TLE6: variants seen among roughly 807,000 people sequenced by gnomAD.
TLE6 encodes transducin-like enhancer protein 6.
TLE6 carries 72 observed loss-of-function variants against 77.1 expected under a neutral mutation model. The observed-to-expected ratio is 0.93, with a 90% CI of 0.77 to 1.14. The LOEUF is 1.14. Ranked by LOEUF, TLE6 falls within the 50% of genes most tolerant of loss-of-function variation. TLE6 has a pLI of 0.00. For missense variants in TLE6, 843 were observed against 747.6 expected, an observed-to-expected ratio of 1.13 and a Z score of -1.49; for synonymous variants, 366 against 287.3, an observed-to-expected ratio of 1.27 and a Z score of -2.77.
chr19:2,994,357 T>C (rs961660894), intron 16 of TLE6, among the ~76,000 whole-genome samples: 3 of 152,150 alleles, frequency 2.0e-5, no homozygotes, highest in African/African-American at 7.2e-5. Context: ...ACGCCTGTAA[T>C]CCCAGCACTT....
At position 2,980,092 on chromosome 19, in the gene TLE6, CT is replaced by C. The variant is rs1388100036; in HGVS notation, c.52-5del. ...AAGTTTTATGTAACCTTGCTTTGAC[CT>C]TTCCAGCCTTGTCCTGGGATCTCGA... On this transcript the variant is annotated splice_region_variant and splice_polypyrimidine_tract_variant and intron_variant, in intron 2 of 16. Transcript: ENST00000246112. 6.5e-7 allele frequency: 1 copy of C among 1,549,030 alleles called. No individual in the cohort carries two copies. The highest frequency in any genetic ancestry group is 8.7e-7 in the Non-Finnish European group (1 of 1,145,328).
In TLE6 at chr19:2,993,453, C is replaced by G; in HGVS notation, c.1408C>G (p.Pro470Ala). 6.2e-7 allele frequency: 1 copy of G among 1,603,122 alleles called. No individual in the cohort carries two copies. The highest frequency in any genetic ancestry group is 8.5e-7 in the Non-Finnish European group (1 of 1,171,744). Residue 470 changes from proline to alanine, a missense_variant, in exon 15 of 17, where the codon CCC becomes GCC. By Grantham distance (27) the Pro-to-Ala change is conservative (BLOSUM62 -1). Coordinates refer to ENST00000246112, the MANE Select transcript of TLE6 (RefSeq NM_001143986.2). ...KSQIMSLSHS[P>A]QEDWVLLGMA... is the part of the protein sequence containing the mutation. ...CTAGATAATGAGCCTGTCCCACAGC[C>G]CCCAGGAGGACTGGGTGCTGCTGGG...
chr19:2,994,587 G>A (rs1482024108), intron 16 of TLE6, among the ~76,000 whole-genome samples: 1 of 151,380 alleles, frequency 6.6e-6, no homozygotes, highest in African/African-American at 2.4e-5. Context: ...TCCAGCCTGG[G>A]TGACAGAGAC....
chr19:2,989,721 G>T lies in TLE6; in HGVS notation c.1180G>T (p.Ala394Ser). The change falls in exon 13 of 17, where the codon GCC (alanine) becomes TCC (serine). Residue 394 changes from alanine to serine, a missense_variant. By Grantham distance (99) the Ala-to-Ser change is moderately conservative. Coordinates refer to ENST00000246112, the MANE Select transcript of TLE6 (RefSeq NM_001143986.2). ...GGATGCCAACCTGGATGCCAACCTG[G>T]CCTTCGCCAGCTTCACCAGTGGTGT... Reference protein sequence around the residue: ...ALDANLDANLAFASFTSGVVR... With the variant: ...ALDANLDANLSFASFTSGVVR... 6.2e-7 allele frequency: 1 copy of T among 1,614,228 alleles called. No homozygotes were observed. The highest frequency in any genetic ancestry group is 8.5e-7 in the Non-Finnish European group (1 of 1,180,042).
chr19:2,983,016 C>T (rs2088830619), intron 5 of TLE6, among the ~76,000 whole-genome samples: 1 of 152,098 alleles, frequency 6.6e-6, no homozygotes, highest in Admixed American at 6.5e-5. Context: ...CAGAAGTACG[C>T]CTTCCAGCCC....
chr19:2,993,340 G>A (rs930522459), intron 14 of TLE6, 92 bp from the exon 15 acceptor site: 45 of 1,378,208 alleles, frequency 3.3e-5, no homozygotes, highest in Middle Eastern at 2.4e-4. Context: ...TCAGTCACCC[G>A]GCCTCCAGGA....
intron 11 of TLE6, 76 bp from the exon 12 acceptor site, chr19:2,988,985 A>T (rs2088978253): frequency 1.9e-6 from 3 of 1,581,808 alleles, no homozygotes; most frequent in African/African-American, 1.4e-5. Context: ...AAGCCCCTCT[A>T]GGCCTTGATG....
chr19:2,989,166 C>T lies in TLE6; in HGVS notation c.846C>T (p.Ile282=), dbSNP rs753383860. 1.4e-5 allele frequency: 22 copies of T among 1,614,042 alleles called. No homozygotes were observed. Among genetic ancestry groups the T allele is most frequent in the Non-Finnish European group, 1.7e-6 (2 of 1,180,060 alleles). Residue 282 remains isoleucine (I), a synonymous_variant, in exon 12 of 17, where the codon ATC becomes ATT. Coordinates refer to ENST00000246112, the MANE Select transcript of TLE6 (RefSeq NM_001143986.2). The part of the protein sequence containing the change: ...AVPCKLEKMR[I]LAHGELVLAT... Reference sequence around the variant, plus strand: ...CGTGCAAACTGGAAAAGATGCGGATCTTGGCACACGGGGAGCTCGTGCTCG... The same window carrying T: ...CGTGCAAACTGGAAAAGATGCGGATTTTGGCACACGGGGAGCTCGTGCTCG...
At chr19:2,984,356 G>C (rs1395080147) in intron 5 of TLE6, 1 of 151,088 alleles carries the variant, frequency 6.6e-6, no homozygotes, top group Non-Finnish European at 1.5e-5. Context: ...CCCCCCCGCG[G>C]GGCTCCGATG....
chr19:2,982,535 C>CAAAAAAAAAAAAA (rs1200316710), intron 5 of TLE6, among the ~76,000 whole-genome samples: 1 of 41,840 alleles, frequency 2.4e-5, no homozygotes, highest in Non-Finnish European at 5.0e-5. Flanking sequence ...GACTCTGTCT[C>CAAAAAAAAAAAAA]AAAAAAAAAA....
intron 10 of TLE6, 32 bp from the exon 11 acceptor site, chr19:2,988,059 C>T: frequency 1.3e-6 from 2 of 1,554,824 alleles, no homozygotes; most frequent in Non-Finnish European, 8.7e-7. Flanking sequence ...TGCGGGGAGG[C>T]TGGGGGCAGC....
chr19:2,987,075 C>G lies in TLE6; in HGVS notation c.378C>G (p.Thr126=). Residue 126 remains threonine (T), a synonymous_variant, in exon 7 of 17, where the codon ACC becomes ACG. Transcript: ENST00000246112. ...CGAGCTTTGAGGACATCATGGCCAC[C>G]AGGTCCTCCGACTGGCTCCGGCGGC... ...QESSFEDIMA[T]RSSDWLRRPL... 6.2e-7 allele frequency: 1 copy of G among 1,614,152 alleles called. No homozygotes were observed. The highest frequency in any genetic ancestry group is 1.3e-5 in the African/African-American group (1 of 75,062).
chr19:2,988,071 G>C lies in TLE6; in HGVS notation c.703-20G>C, dbSNP rs776892777. The C allele has an allele frequency of 1.9e-6, 3 of 1,553,608 alleles. No homozygotes were observed. The highest frequency in any genetic ancestry group is 2.6e-6 in the Non-Finnish European group (3 of 1,147,998). ...ATGTGCGGGGAGGCTGGGGGCAGCT[G>C]TGATCTCCCCCGCCTGCAGGAGCCT... On this transcript the variant is annotated intron_variant, in intron 10 of 16. Transcript: ENST00000246112.
chr19:2,993,734 TGAGG>T (rs762365065), intron 15 of TLE6, 152 bp downstream of exon 15: 12 of 1,054,252 alleles, frequency 1.1e-5, no homozygotes, highest in Non-Finnish European at 1.6e-5. Flanking sequence ...TATAGTGGAA[TGAGG>T]GAGGGAAGGG....
Position 2,987,984 on chromosome 19 carries a change from A to G in TLE6, c.702+10A>G. ...TTGGGGTGTGGTCCAGGTGAGACCCAGGCCCGAGCTGGTAGCCCAGCGTGA... is the reference window on the plus strand; with the variant it reads ...TTGGGGTGTGGTCCAGGTGAGACCCGGGCCCGAGCTGGTAGCCCAGCGTGA... On this transcript the variant is annotated intron_variant, in intron 10 of 16. Transcript: ENST00000246112. The G allele has an allele frequency of 6.2e-7, 1 of 1,608,448 alleles. No individual in the cohort carries two copies. Among genetic ancestry groups the G allele is most frequent in the Non-Finnish European group, 8.5e-7 (1 of 1,177,350 alleles).
chr19:2,981,529 C>G lies in TLE6; in HGVS notation c.135-9C>G, dbSNP rs1191044633. On this transcript the variant is annotated splice_polypyrimidine_tract_variant and intron_variant, in intron 3 of 16. Coordinates refer to ENST00000246112, the MANE Select transcript of TLE6 (RefSeq NM_001143986.2). ...ACAGGTCTTCCAGCCTGTCCTCCTT[C>G]CCCCTCAGGTTTTCTCCTCATTTTG... The G allele has an allele frequency of 1.9e-6, 3 of 1,551,532 alleles. No homozygotes were observed. In the Admixed American group the frequency reaches 5.9e-5, roughly 30 times the overall value.
intron 5 of TLE6, among the ~76,000 whole-genome samples, chr19:2,985,602 G>C (rs2088892368): frequency 7.2e-6 from 1 of 138,610 alleles, no homozygotes; most frequent in South Asian, 2.3e-4. Flanking sequence ...TGTATTTTTA[G>C]TAGAGATGGA....
In TLE6 at chr19:2,995,156, G is replaced by C. The variant is rs574157912; in HGVS notation, c.*152G>C. On this transcript the variant is annotated 3_prime_UTR_variant, in exon 17 of 17. Transcript: ENST00000246112. ...TGGTGTAGACTGGTCGCCATCACGTGTAATAAAGCACCCGGGAAAGGCAGA... is the reference window on the plus strand; with the variant it reads ...TGGTGTAGACTGGTCGCCATCACGTCTAATAAAGCACCCGGGAAAGGCAGA... 1 of 507,524 alleles carries C rather than the reference G, an allele frequency of 2.0e-6. No homozygotes were observed. Among genetic ancestry groups the C allele is most frequent in the African/African-American group, 1.9e-5 (1 of 52,112 alleles). The allele number at this position is 507,524 out of a possible 1,614,324, so 31.4% of individuals were successfully genotyped here. A position where few individuals can be genotyped will look rare whatever the true frequency, so the allele number is the denominator to read the frequency against.
chr19:2,991,850 A>G lies in TLE6; in HGVS notation c.1252A>G (p.Lys418Glu), dbSNP rs982323654. 1.9e-6 allele frequency: 3 copies of G among 1,613,694 alleles called. No homozygotes were observed. The highest frequency in any genetic ancestry group is 2.5e-6 in the Non-Finnish European group (3 of 1,179,892). ...LRDQSVVRDLKGYPDGVKSIV... is the reference protein window; with the variant it reads ...LRDQSVVRDLEGYPDGVKSIV... ...GATGTCCCTTCTGGCCAGGGACCTC[A>G]AGGGTTATCCTGATGGAGTCAAGAG... The change falls in exon 14 of 17, where the codon AAG becomes GAG. Residue 418 changes from lysine to glutamate, a missense_variant. By Grantham distance (56) the Lys-to-Glu change is moderately conservative. Coordinates refer to ENST00000246112, the MANE Select transcript of TLE6 (RefSeq NM_001143986.2).
Sources: allele counts gnomAD v4.1 joint callset (sites outside exome capture counted in the v4.1 genomes callset), GRCh38; gene constraint gnomAD v4.1.1; transcripts MANE v1.5; gene names NCBI Gene and HGNC (gene_info 2026-07-23, HGNC 2026-07-21).